ARHGEF3: variants seen among roughly 807,000 people sequenced by gnomAD.
ARHGEF3 encodes the protein 59.8 kDA protein.
A neutral mutation model predicts 63.2 loss-of-function variants in ARHGEF3; 28 were observed. The ratio of observed to expected loss-of-function variants is 0.44; its 90% confidence interval spans 0.33 to 0.61. ARHGEF3 has a LOEUF of 0.61. ARHGEF3 is among the 20% of genes least tolerant of loss of function. The probability of loss-of-function intolerance (pLI) is 0.03; values close to 1 mark genes in which losing one functional copy is unlikely to be tolerated. For synonymous variants in ARHGEF3, 266 were observed against 254.2 expected, an observed-to-expected ratio of 1.05 and a Z score of -0.44; for missense variants, 533 against 659.3, an observed-to-expected ratio of 0.81 and a Z score of 2.10.
At chr3:57,063,706 C>T (rs80147564) in intron 1 of ARHGEF3, among the ~76,000 whole-genome samples, 2,466 of 152,186 alleles carry the variant, frequency 0.016, 65 homozygotes, top group African/African-American at 0.056. Flanking sequence ...CTCCATCACA[C>T]GCTGCTGGTA....
At chr3:56,975,247 G>A (rs532786202) in intron 2 of ARHGEF3, among the ~76,000 whole-genome samples, 7 of 152,100 alleles carry the variant, frequency 4.6e-5, no homozygotes, top group African/African-American at 2.4e-5. Flanking sequence ...GTGAAATTCC[G>A]TCTCTACTAA....
At chr3:57,005,198 G>A (rs762204650) in intron 2 of ARHGEF3, among the ~76,000 whole-genome samples, 2 of 152,084 alleles carry the variant, frequency 1.3e-5, no homozygotes, top group Non-Finnish European at 2.9e-5. Context: ...GAATGGGAAC[G>A]TCCAGGAATA....
At chr3:56,779,117 G>GGA (rs2036422320) in intron 1 of ARHGEF3, among the ~76,000 whole-genome samples, 2 of 152,178 alleles carry the variant, frequency 1.3e-5, no homozygotes, top group African/African-American at 2.4e-5. Context: ...TATTCTCCCT[G>GGA]CAGCTGGACA....
Position 57,009,211 on chromosome 3 carries a change from T to G in ARHGEF3, c.62+25877A>C, listed in dbSNP as rs147525323. Among the ~76,000 whole-genome samples, 322 of 152,360 alleles carry G rather than the reference T, an allele frequency of 2.1e-3. 1 individual carries two copies. The highest frequency in any genetic ancestry group is 3.5e-3 in the Non-Finnish European group (236 of 68,038). Reference sequence around the variant, plus strand: ...CATATTGCTTAAACTTTTTCACTTTTCATTTCAGCTGAACGCTCAAGAATG... The same window carrying G: ...CATATTGCTTAAACTTTTTCACTTTGCATTTCAGCTGAACGCTCAAGAATG... On this transcript the variant is annotated intron_variant, in intron 2 of 12. Transcript: ENST00000338458.
intron 2 of ARHGEF3, among the ~76,000 whole-genome samples, chr3:57,022,342 A>G (rs1260629471): frequency 6.6e-6 from 1 of 151,574 alleles, no homozygotes; most frequent in Non-Finnish European, 1.5e-5. Context: ...CTTTCAAGAC[A>G]TGACTCGCAA....
chr3:56,818,742 C>T (rs2038360508), intron 4 of ARHGEF3, among the ~76,000 whole-genome samples: 1 of 152,140 alleles, frequency 6.6e-6, no homozygotes, highest in Admixed American at 6.5e-5. Context: ...ATCCTACGCG[C>T]TTGGAATATG....
At chr3:56,856,162 G>T (rs946232767) in intron 4 of ARHGEF3, among the ~76,000 whole-genome samples, 6 of 152,154 alleles carry the variant, frequency 3.9e-5, no homozygotes, top group African/African-American at 1.4e-4. Flanking sequence ...TCAGTCCTGG[G>T]GGGTGTCGCC....
chr3:56,948,728 G>A (rs1230881204), intron 3 of ARHGEF3, among the ~76,000 whole-genome samples: 1 of 152,124 alleles, frequency 6.6e-6, no homozygotes, highest in African/African-American at 2.4e-5. Context: ...CATTCCTTCT[G>A]AAACTATTCC....
chr3:56,787,697 C>G (rs547850154), intron 1 of ARHGEF3, among the ~76,000 whole-genome samples: 1 of 145,980 alleles, frequency 6.9e-6, no homozygotes, highest in South Asian at 2.2e-4. Context: ...CACTGGCTTC[C>G]CAGGATATAC....
chr3:56,965,032 C>T (rs1029452534), intron 2 of ARHGEF3, among the ~76,000 whole-genome samples: 1 of 152,092 alleles, frequency 6.6e-6, no homozygotes, highest in African/African-American at 2.4e-5. Context: ...GAAGGAGGAT[C>T]GCTTGAGGCC....
At chr3:56,839,946 T>A (rs1286481881) in intron 4 of ARHGEF3, among the ~76,000 whole-genome samples, 1 of 152,186 alleles carries the variant, frequency 6.6e-6, no homozygotes, top group Non-Finnish European at 1.5e-5. Context: ...ACGTTTCATC[T>A]GACAGGAATC....
intron 3 of ARHGEF3, among the ~76,000 whole-genome samples, chr3:56,949,044 T>C (rs1255940190): frequency 1.1e-4 from 17 of 152,024 alleles, no homozygotes; most frequent in Admixed American, 9.8e-4. Context: ...ATTATCTCAA[T>C]AGATGCAGAA....
chr3:56,770,383 C>A (rs2035938780), intron 2 of ARHGEF3, among the ~76,000 whole-genome samples: 1 of 151,526 alleles, frequency 6.6e-6, no homozygotes, highest in Non-Finnish European at 1.5e-5. Context: ...GCACTCCAGC[C>A]TGGGTGACAG....
intron 4 of ARHGEF3, chr3:56,882,227 A>G (rs2040790072): frequency 2.0e-6 from 3 of 1,471,168 alleles, no homozygotes; most frequent in Non-Finnish European, 2.8e-6. Context: ...CATATTATTA[A>G]CAAATAACCT....
At chr3:56,812,059 T>C (rs1347972781) in intron 4 of ARHGEF3, among the ~76,000 whole-genome samples, 7 of 152,164 alleles carry the variant, frequency 4.6e-5, no homozygotes, top group Non-Finnish European at 1.5e-5. Context: ...GCTCCTCCTA[T>C]TACGCTGGCA....
chr3:57,034,987 A>G, intron 2 of ARHGEF3: 1 of 989,408 alleles, frequency 1.0e-6, no homozygotes, highest in Non-Finnish European at 1.5e-6. Context: ...GATGGCCTCT[A>G]CTGACTTATG....
chr3:56,734,321 GGGAGAGACCAGAAGA>G (rs2033449261), intron 8 of ARHGEF3, among the ~76,000 whole-genome samples: 1 of 152,182 alleles, frequency 6.6e-6, no homozygotes, highest in South Asian at 2.1e-4. Flanking sequence ...AGTCTTAAAG[GGGAGAGACCAGAAGA>G]GGAGAGGTTG....
At chr3:57,010,016 C>G (rs956765168) in intron 2 of ARHGEF3, among the ~76,000 whole-genome samples, 1 of 152,170 alleles carries the variant, frequency 6.6e-6, no homozygotes, top group African/African-American at 2.4e-5. Flanking sequence ...GGAACTGGAC[C>G]ACAGGCAGCT....
chr3:56,759,906 C>G (rs1261855920), intron 2 of ARHGEF3, among the ~76,000 whole-genome samples: 1 of 152,216 alleles, frequency 6.6e-6, no homozygotes, highest in Admixed American at 6.5e-5. Context: ...CAAGGTTGTA[C>G]AACTACCATC....
Sources: gnomAD v4.1 joint callset for allele counts (sites outside exome capture counted in the v4.1 genomes callset) on GRCh38, gnomAD v4.1.1 for gene constraint, MANE v1.5 for transcripts, NCBI Gene and HGNC (gene_info 2026-07-23, HGNC 2026-07-21) for gene names.